Variants in KCNS3 observed in about 807,000 individuals in gnomAD.
KCNS3 encodes delayed-rectifier potassium channel regulatory subunit KCNS3.
In KCNS3, 13 loss-of-function variants were observed where a neutral mutation model predicts 31.0. That is an observed-to-expected ratio of 0.42 (90% CI 0.27 to 0.67). KCNS3 has a LOEUF of 0.67. Among genes scored for constraint, KCNS3 ranks in the 30% least tolerant of loss-of-function variants. The probability of loss-of-function intolerance (pLI) is 0.25; values close to 1 mark genes in which losing one functional copy is unlikely to be tolerated. For missense variants in KCNS3, 545 were observed against 622.4 expected (o/e 0.88, Z 1.32); for synonymous variants, 238 against 241.5 (o/e 0.99, Z 0.13).
At chr2:17,905,246 A>G (rs1281588524) in intron 1 of KCNS3, among the ~76,000 whole-genome samples, 9 of 152,140 alleles carry the variant, frequency 5.9e-5, no homozygotes, top group Admixed American at 5.9e-4. Flanking sequence ...TTCACTCATG[A>G]TTTGGCTCTC....
At chr2:17,909,459 A>C (rs1296083023) in intron 1 of KCNS3, among the ~76,000 whole-genome samples, 1 of 151,996 alleles carries the variant, frequency 6.6e-6, no homozygotes, top group East Asian at 1.9e-4. Flanking sequence ...GGCTGCACCC[A>C]CTGTCCTGCC....
chr2:17,917,418 A>G (rs1662614506), intron 1 of KCNS3, among the ~76,000 whole-genome samples: 1 of 152,146 alleles, frequency 6.6e-6, no homozygotes, highest in African/African-American at 2.4e-5. Flanking sequence ...TTATCTTTAG[A>G]TGTTTTAGTG....
intron 1 of KCNS3, among the ~76,000 whole-genome samples, chr2:17,889,595 A>G (rs1009065046): frequency 3.3e-5 from 5 of 152,114 alleles, no homozygotes; most frequent in African/African-American, 1.2e-4. Context: ...ACATTAAGGT[A>G]TGTCCCTTGT....
chr2:17,901,251 G>A (rs550605214), intron 1 of KCNS3, among the ~76,000 whole-genome samples: 1 of 152,320 alleles, frequency 6.6e-6, no homozygotes. Context: ...CCTAAGGCAT[G>A]GGGGACAGTT....
intron 1 of KCNS3, among the ~76,000 whole-genome samples, chr2:17,879,800 A>G (rs536991473): frequency 6.6e-6 from 1 of 152,330 alleles, no homozygotes; most frequent in East Asian, 1.9e-4. Flanking sequence ...GGCCCGCAGC[A>G]GGGGCAGAGG....
At chr2:17,905,821 A>G (rs553702372) in intron 1 of KCNS3, among the ~76,000 whole-genome samples, 82 of 152,312 alleles carry the variant, frequency 5.4e-4, no homozygotes, top group African/African-American at 1.6e-3. Flanking sequence ...CCACTTGATC[A>G]TGGTGGGTAA....
chr2:17,889,242 G>A (rs916568619), intron 1 of KCNS3, among the ~76,000 whole-genome samples: 2 of 152,102 alleles, frequency 1.3e-5, no homozygotes, highest in African/African-American at 4.8e-5. Context: ...CGCTGTTGGT[G>A]TATAGAAGAG....
chr2:17,911,577 C>T (rs1327602364), intron 1 of KCNS3, among the ~76,000 whole-genome samples: 2 of 151,996 alleles, frequency 1.3e-5, no homozygotes, highest in Non-Finnish European at 2.9e-5. Flanking sequence ...GAGTAGAAAG[C>T]AAAATCACTC....
At chr2:17,907,425 T>C (rs1393315463) in intron 1 of KCNS3, among the ~76,000 whole-genome samples, 2 of 152,242 alleles carry the variant, frequency 1.3e-5, no homozygotes, top group East Asian at 3.8e-4. Context: ...TTTGCCAGTC[T>C]GTGTCTTTTA....
chr2:17,888,141 TCTG>T lies in KCNS3; in HGVS notation c.-252+9339_-252+9341del, dbSNP rs773066954. ...CCCACTCTGTGGGTTGTCTGTTTAC[TCTG>T]CTGACTGTTCCTTTTGCCATGTGAA... is the stretch of plus-strand genomic sequence containing the variant. On this transcript the variant is annotated intron_variant, in intron 1 of 2. Coordinates refer to ENST00000304101, the MANE Select transcript of KCNS3 (RefSeq NM_002252.5). Among the ~76,000 whole-genome samples, 12 of 152,350 alleles carry T rather than the reference TCTG, an allele frequency of 7.9e-5. No homozygotes were observed. The East Asian group carries it at 1.9e-3, about 24-fold the overall frequency.
rs764292544 is a variant in KCNS3 at position 17,931,065 on chromosome 2, G to A, written c.57G>A (p.Leu19=). ...RPGQDEELVN[L]NVGGFKQSVD... Reference sequence around the variant, plus strand: ...GACAAGACGAGGAACTTGTCAACCTGAATGTGGGGGGCTTTAAGCAGTCTG... The same window carrying A: ...GACAAGACGAGGAACTTGTCAACCTAAATGTGGGGGGCTTTAAGCAGTCTG... Residue 19 remains leucine, a synonymous_variant, in exon 3 of 3, where the codon CTG becomes CTA. Transcript: ENST00000304101. This position sits in a 1 kb window ranked among gnomAD's most constrained non-coding sequence, Gnocchi z 5.4. 1.5e-5 allele frequency: 24 copies of A among 1,613,990 alleles called. No individual in the cohort carries two copies. The highest frequency in any genetic ancestry group is 1.3e-5 in the Non-Finnish European group (15 of 1,180,008).
chr2:17,901,855 G>A (rs776133734), intron 1 of KCNS3, among the ~76,000 whole-genome samples: 2 of 152,106 alleles, frequency 1.3e-5, no homozygotes, highest in Admixed American at 1.3e-4. Flanking sequence ...GACAAACTAG[G>A]TGATCTGGCC....
intron 2 of KCNS3, among the ~76,000 whole-genome samples, chr2:17,921,664 G>A (rs1662705994): frequency 6.6e-6 from 1 of 151,898 alleles, no homozygotes; most frequent in Non-Finnish European, 1.5e-5. Context: ...TTACCATAGT[G>A]AAGCAGGAGA....
chr2:17,932,617 G>A lies in KCNS3; in HGVS notation c.*133G>A. On this transcript the variant is annotated 3_prime_UTR_variant, in exon 3 of 3. Coordinates refer to ENST00000304101, the MANE Select transcript of KCNS3 (RefSeq NM_002252.5). ...TTTCAGCCATAGTTGGACATTCATT[G>A]CTGAATTCTGAAATGATAGAATTGT... is the stretch of plus-strand genomic sequence containing the variant. 2.3e-6 allele frequency: 2 copies of A among 888,794 alleles called. No individual in the cohort carries two copies. The highest frequency in any genetic ancestry group is 3.4e-6 in the Non-Finnish European group (2 of 588,584). The allele number at this position is 888,794 out of a possible 1,614,324, so 55.1% of individuals were successfully genotyped here. A position where few individuals can be genotyped will look rare whatever the true frequency, so the allele number is the denominator to read the frequency against.
chr2:17,901,666 G>T (rs1232220929), intron 1 of KCNS3, among the ~76,000 whole-genome samples: 4 of 152,140 alleles, frequency 2.6e-5, no homozygotes, highest in Non-Finnish European at 5.9e-5. Context: ...CAAGGAGGAG[G>T]CCATGGTGGT....
Position 17,921,913 on chromosome 2 carries a change from GTGTATATATATATATATATATATATA to G in KCNS3, c.-60+4044_-60+4069del, listed in dbSNP as rs1255841424. ...GATTTTCATATATATGTGTGTGTGT[GTGTATATATATATATATATATATATA>G]TATATATATATATATATATAAATAC... On this transcript the variant is annotated intron_variant, in intron 2 of 2. Coordinates refer to ENST00000304101, the MANE Select transcript of KCNS3 (RefSeq NM_002252.5). 9.6e-3 allele frequency among the ~76,000 whole-genome samples: 328 copies of G among 34,118 alleles called. 10 individuals carry two copies. Among genetic ancestry groups the G allele is most frequent in the East Asian group, 0.033 (19 of 576 alleles). 22.4% of individuals were successfully genotyped at this position (34,118 alleles called of 152,430 possible).
chr2:17,914,696 T>G (rs558525489), intron 1 of KCNS3, among the ~76,000 whole-genome samples: 23 of 152,350 alleles, frequency 1.5e-4, no homozygotes, highest in African/African-American at 5.3e-4. Flanking sequence ...ATTAGGACAC[T>G]GTCCCTAACT....
chr2:17,911,380 G>T (rs1166172897), intron 1 of KCNS3, among the ~76,000 whole-genome samples: 1 of 152,070 alleles, frequency 6.6e-6, no homozygotes, highest in Non-Finnish European at 1.5e-5. Context: ...TGGGGGCTGG[G>T]GATCCTTTCT....
intron 1 of KCNS3, among the ~76,000 whole-genome samples, chr2:17,910,072 G>C (rs1662435230): frequency 6.6e-6 from 1 of 152,148 alleles, no homozygotes; most frequent in Non-Finnish European, 1.5e-5. Context: ...AAACACAAAA[G>C]ATGAAACCTA....
Sources: gnomAD v4.1 joint callset for allele counts (sites outside exome capture counted in the v4.1 genomes callset) on GRCh38, gnomAD v4.1.1 for gene constraint, Gnocchi (gnomAD v3.1) non-coding constraint, MANE v1.5 for transcripts, NCBI Gene and HGNC (gene_info 2026-07-23, HGNC 2026-07-21) for gene names.